TAF4B: variants seen among roughly 807,000 people sequenced by gnomAD.
The protein encoded by TAF4B is transcription initiation factor TFIID subunit 4B.
TAF4B carries 38 observed loss-of-function variants against 86.4 expected under a neutral mutation model. That is an observed-to-expected ratio of 0.44 (90% confidence interval 0.34 to 0.58). The LOEUF is 0.58. TAF4B is among the 20% of genes least tolerant of loss of function. TAF4B has a pLI of 0.02. For synonymous variants in TAF4B, 388 were observed against 391.2 expected (o/e 0.99, Z 0.10); for missense variants, 988 against 1,027.6 (o/e 0.96, Z 0.53).
At chr18:26,367,534 C>T (rs901021703) in intron 14 of TAF4B, among the ~76,000 whole-genome samples, 9 of 152,186 alleles carry the variant, frequency 5.9e-5, no homozygotes, top group Non-Finnish European at 2.9e-5. Context: ...TTGGGTCATG[C>T]ATCCTTACAT....
At chr18:26,365,893 C>T (rs2057368268) in intron 14 of TAF4B, among the ~76,000 whole-genome samples, 1 of 152,062 alleles carries the variant, frequency 6.6e-6, no homozygotes, top group African/African-American at 2.4e-5. Flanking sequence ...AGGCTCATGC[C>T]ATCCTTCCGC....
chr18:26,259,361 T>A (rs937783846), intron 1 of TAF4B, among the ~76,000 whole-genome samples: 9 of 152,038 alleles, frequency 5.9e-5, no homozygotes, highest in Non-Finnish European at 1.2e-4. Flanking sequence ...TGTATACATG[T>A]GCCATGTTGG....
At chr18:26,322,451 C>T (rs1412085404) in intron 11 of TAF4B, among the ~76,000 whole-genome samples, 2 of 142,638 alleles carry the variant, frequency 1.4e-5, no homozygotes, top group Non-Finnish European at 3.2e-5. Context: ...CCTAGAAACA[C>T]ACAAAAATAA....
intron 14 of TAF4B, among the ~76,000 whole-genome samples, chr18:26,373,020 A>C (rs2057417231): frequency 6.6e-6 from 1 of 151,894 alleles, no homozygotes; most frequent in African/African-American, 2.4e-5. Flanking sequence ...TGCATACCAG[A>C]AGGTGAGCAA....
At chr18:26,345,282 C>G (rs577640248) in intron 13 of TAF4B, among the ~76,000 whole-genome samples, 1 of 152,340 alleles carries the variant, frequency 6.6e-6, no homozygotes, top group South Asian at 2.1e-4. Flanking sequence ...GAGACCAAGC[C>G]ATCCTCACCA....
chr18:26,334,889 C>T (rs1255328315), intron 12 of TAF4B, among the ~76,000 whole-genome samples: 2 of 151,914 alleles, frequency 1.3e-5, no homozygotes, highest in Non-Finnish European at 2.9e-5. Context: ...TTTTAGTTTT[C>T]AGTGTTCCTA....
At chr18:26,336,694 T>TG (rs2057094730) in intron 13 of TAF4B, among the ~76,000 whole-genome samples, 1 of 152,190 alleles carries the variant, frequency 6.6e-6, no homozygotes, top group Non-Finnish European at 1.5e-5. Context: ...TGAGGATAGA[T>TG]TATTTAGGGA....
At chr18:26,257,288 G>A (rs2056098559) in intron 1 of TAF4B, among the ~76,000 whole-genome samples, 1 of 152,030 alleles carries the variant, frequency 6.6e-6, no homozygotes, top group Non-Finnish European at 1.5e-5. Flanking sequence ...ATGTTACATC[G>A]TGTTGATCTG....
At chr18:26,243,314 C>A (rs1047204779) in intron 1 of TAF4B, among the ~76,000 whole-genome samples, 1 of 152,000 alleles carries the variant, frequency 6.6e-6, no homozygotes, top group African/African-American at 2.4e-5. Flanking sequence ...AACTTCTCTT[C>A]TTGCTTCATT....
chr18:26,280,626 G>A (rs1217194270), intron 5 of TAF4B, among the ~76,000 whole-genome samples: 1 of 152,120 alleles, frequency 6.6e-6, no homozygotes, highest in Non-Finnish European at 1.5e-5. Flanking sequence ...TAGTCAAAAT[G>A]TCTGTTACTA....
chr18:26,347,285 A>T (rs1418250801), intron 13 of TAF4B, among the ~76,000 whole-genome samples: 1 of 152,104 alleles, frequency 6.6e-6, no homozygotes, highest in African/African-American at 2.4e-5. Context: ...AATGTCTCAC[A>T]ATCAAAAATT....
chr18:26,287,758 G>A (rs1221677829), intron 7 of TAF4B, among the ~76,000 whole-genome samples: 1 of 152,148 alleles, frequency 6.6e-6, no homozygotes, highest in Non-Finnish European at 1.5e-5. Flanking sequence ...AGCCCTGTTT[G>A]TTTTATCAGA....
chr18:26,296,924 G>T (rs1035490658), intron 9 of TAF4B, among the ~76,000 whole-genome samples: 1 of 18,278 alleles, frequency 5.5e-5, no homozygotes, highest in South Asian at 1.9e-3. Flanking sequence ...TGGATCACTT[G>T]AGTCAAGAGT....
chr18:26,333,217 GTTA>G (rs1250723681), intron 12 of TAF4B, among the ~76,000 whole-genome samples: 1 of 149,292 alleles, frequency 6.7e-6, no homozygotes, highest in Non-Finnish European at 1.5e-5. Flanking sequence ...TTTTTAAATT[GTTA>G]TTATTATTAT....
At chr18:26,237,305 A>G (rs112878811) in intron 1 of TAF4B, among the ~76,000 whole-genome samples, 3 of 152,334 alleles carry the variant, frequency 2.0e-5, no homozygotes, top group African/African-American at 7.2e-5. Flanking sequence ...CATCTCTCCA[A>G]GTGAGGTTGA....
intron 1 of TAF4B, among the ~76,000 whole-genome samples, chr18:26,259,452 G>A (rs1323421461): frequency 7.0e-6 from 1 of 141,994 alleles, no homozygotes; most frequent in East Asian, 2.1e-4. Flanking sequence ...CCCCGCGACA[G>A]GCCCCAGTGT....
In TAF4B at chr18:26,268,422, C is replaced by T. The variant is rs534008348; in HGVS notation, c.597+799C>T. On this transcript the variant is annotated intron_variant, in intron 3 of 14. Transcript: ENST00000269142. ...GGCACCTGATATTAATTATTTCCCTCTTCCACTGTGCCTTCCTAGATTCCC... is the reference window on the plus strand; with the variant it reads ...GGCACCTGATATTAATTATTTCCCTTTTCCACTGTGCCTTCCTAGATTCCC... Among the ~76,000 whole-genome samples, 6 of 152,320 alleles carry T rather than the reference C, an allele frequency of 3.9e-5. No homozygotes were observed. The South Asian group carries it at 1.2e-3, about 32-fold the overall frequency.
At chr18:26,324,404 G>C (rs1047871963) in intron 11 of TAF4B, among the ~76,000 whole-genome samples, 5 of 152,174 alleles carry the variant, frequency 3.3e-5, no homozygotes, top group Admixed American at 6.5e-5. Context: ...GAGTCACCAT[G>C]CCTGGCCACG....
chr18:26,376,817 A>G (rs1037066681), intron 14 of TAF4B, among the ~76,000 whole-genome samples: 3 of 151,938 alleles, frequency 2.0e-5, no homozygotes, highest in Non-Finnish European at 4.4e-5. Flanking sequence ...GGTTTCTCAT[A>G]GATGCTTTTT....
Sources: allele counts gnomAD v4.1 joint callset (sites outside exome capture counted in the v4.1 genomes callset), GRCh38; gene constraint gnomAD v4.1.1; transcripts MANE v1.5; gene names NCBI Gene and HGNC (gene_info 2026-07-23, HGNC 2026-07-21).